Variants in MBOAT2 observed in about 807,000 individuals in gnomAD.
MBOAT2 encodes membrane bound glycerophospholipid O-acyltransferase 2, also known as membrane-bound glycerophospholipid O-acyltransferase 2.
A neutral mutation model predicts 63.4 loss-of-function variants in MBOAT2; 28 were observed. The ratio of observed to expected loss-of-function variants is 0.44; its 90% confidence interval spans 0.33 to 0.61. MBOAT2 has a LOEUF of 0.61. Ranked by LOEUF, MBOAT2 falls within the 20% of genes least tolerant of loss-of-function variation. The pLI is 0.03. For missense variants in MBOAT2, 470 were observed against 605.8 expected (o/e 0.78, Z 2.35); for synonymous variants, 211 against 215.6 (o/e 0.98, Z 0.19).
chr2:8,869,478 G>A (rs968961240), intron 8 of MBOAT2, among the ~76,000 whole-genome samples: 1 of 152,138 alleles, frequency 6.6e-6, no homozygotes, highest in Non-Finnish European at 1.5e-5. Flanking sequence ...AATTGTTCAT[G>A]CTATTTGTAT....
chr2:8,930,717 G>A (rs538889960), intron 3 of MBOAT2, among the ~76,000 whole-genome samples: 1 of 132,646 alleles, frequency 7.5e-6, no homozygotes, highest in African/African-American at 2.8e-5. Flanking sequence ...ACTGTTGTGG[G>A]GTGGGGGGAG....
At chr2:8,988,762 C>T (rs1671729974) in intron 1 of MBOAT2, among the ~76,000 whole-genome samples, 1 of 152,018 alleles carries the variant, frequency 6.6e-6, no homozygotes, top group Non-Finnish European at 1.5e-5. Flanking sequence ...GTGAATTCTA[C>T]ACATCCTGTG....
chr2:8,872,106 T>G (rs757066709), intron 8 of MBOAT2, among the ~76,000 whole-genome samples: 10 of 152,224 alleles, frequency 6.6e-5, no homozygotes, highest in Admixed American at 1.3e-4. Context: ...GGCAAGGTCC[T>G]GTGAAAGCCC....
intron 1 of MBOAT2, among the ~76,000 whole-genome samples, chr2:8,967,492 A>G (rs1022950850): frequency 6.6e-6 from 1 of 152,260 alleles, no homozygotes; most frequent in African/African-American, 2.4e-5. Flanking sequence ...ACTCGGAATC[A>G]TAAAGATGTT....
intron 1 of MBOAT2, among the ~76,000 whole-genome samples, chr2:9,001,520 G>C (rs1001332868): frequency 8.5e-5 from 13 of 152,186 alleles, no homozygotes; most frequent in Admixed American, 7.2e-4. Flanking sequence ...GTGGTCTGAT[G>C]ACCAAAATGT....
At chr2:8,929,438 A>C (rs1290045325) in intron 3 of MBOAT2, among the ~76,000 whole-genome samples, 1 of 152,122 alleles carries the variant, frequency 6.6e-6, no homozygotes, top group African/African-American at 2.4e-5. Context: ...TGCAGCCTCG[A>C]CCTCCTAGGC....
chr2:8,874,025 G>T (rs189381967), intron 7 of MBOAT2, among the ~76,000 whole-genome samples: 33 of 152,316 alleles, frequency 2.2e-4, no homozygotes, highest in African/African-American at 7.9e-4. Flanking sequence ...AGAAACAAGC[G>T]AAGAGAAGGC....
chr2:8,908,812 G>T, intron 3 of MBOAT2, 96 bp from the exon 4 acceptor site: 2 of 683,738 alleles, frequency 2.9e-6, no homozygotes, highest in Non-Finnish European at 5.0e-6. Context: ...ATATGGTTCA[G>T]AAATTAAATA....
At chr2:8,931,027 G>A (rs1250798386) in intron 3 of MBOAT2, among the ~76,000 whole-genome samples, 8 of 151,782 alleles carry the variant, frequency 5.3e-5, no homozygotes, top group African/African-American at 1.9e-4. Context: ...TCTTTGGCGT[G>A]GCTAAGGCAA....
At chr2:8,971,679 C>T (rs1670468293) in intron 1 of MBOAT2, among the ~76,000 whole-genome samples, 1 of 152,164 alleles carries the variant, frequency 6.6e-6, no homozygotes, top group Non-Finnish European at 1.5e-5. Context: ...TCTCAGGATA[C>T]AAAATCAATG....
intron 3 of MBOAT2, among the ~76,000 whole-genome samples, chr2:8,935,352 A>G (rs979559425): frequency 1.3e-5 from 2 of 152,248 alleles, no homozygotes; most frequent in Non-Finnish European, 2.9e-5. Context: ...ACAGAATACA[A>G]CAGATAACTT....
chr2:8,945,538 C>T (rs1007321571), intron 2 of MBOAT2, among the ~76,000 whole-genome samples: 9 of 152,126 alleles, frequency 5.9e-5, no homozygotes, highest in Non-Finnish European at 1.5e-5. Context: ...ATTCAACCCT[C>T]GTGATTTCAG....
At chr2:8,917,056 T>C (rs1165984903) in intron 3 of MBOAT2, among the ~76,000 whole-genome samples, 2 of 152,200 alleles carry the variant, frequency 1.3e-5, no homozygotes, top group African/African-American at 2.4e-5. Context: ...CAAATAGTGC[T>C]GGGACAAATG....
At chr2:8,882,759 T>TGGTA (rs1199646650) in intron 5 of MBOAT2, among the ~76,000 whole-genome samples, 194 bp from the exon 6 acceptor site, 1 of 152,158 alleles carries the variant, frequency 6.6e-6, no homozygotes, top group Non-Finnish European at 1.5e-5. Context: ...AAATAACACA[T>TGGTA]GGTTGGGTAT....
chr2:8,970,107 C>T (rs1368181918), intron 1 of MBOAT2, among the ~76,000 whole-genome samples: 3 of 152,170 alleles, frequency 2.0e-5, no homozygotes, highest in Admixed American at 1.3e-4. Flanking sequence ...CAAAATTGAC[C>T]ACATAGTTGG....
chr2:8,886,007 T>C (rs1245309623), intron 5 of MBOAT2, among the ~76,000 whole-genome samples: 2 of 152,192 alleles, frequency 1.3e-5, no homozygotes, highest in South Asian at 2.1e-4. Context: ...CCTACACCGA[T>C]AGGAAATGTC....
intron 1 of MBOAT2, among the ~76,000 whole-genome samples, chr2:8,996,788 C>T (rs1189314271): frequency 6.6e-6 from 1 of 152,184 alleles, no homozygotes; most frequent in Non-Finnish European, 1.5e-5. Flanking sequence ...TTTAAGTTAC[C>T]TGGTTGCCTT....
intron 2 of MBOAT2, among the ~76,000 whole-genome samples, chr2:8,946,442 A>G (rs1373837042): frequency 6.6e-6 from 1 of 152,192 alleles, no homozygotes; most frequent in African/African-American, 2.4e-5. Context: ...GCTAAGACCA[A>G]AGAGAAGCAG....
chr2:8,942,695 CA>C (rs1553369996), intron 3 of MBOAT2, among the ~76,000 whole-genome samples: 1 of 152,204 alleles, frequency 6.6e-6, no homozygotes, highest in Non-Finnish European at 1.5e-5. Context: ...CTCTACTCCT[CA>C]AGCTGGAAAC....
Sources: allele counts gnomAD v4.1 joint callset (sites outside exome capture counted in the v4.1 genomes callset), GRCh38; gene constraint gnomAD v4.1.1; transcripts MANE v1.5; gene names NCBI Gene and HGNC (gene_info 2026-07-23, HGNC 2026-07-21).